The following REDIC1 variants were observed in gnomAD, a reference collection of about 807,000 sequenced individuals.
REDIC1 encodes the protein HEI10 Interacting Protein 1.
chr12:39,888,750 AG>A, the REDIC1 span, among the ~76,000 whole-genome samples: 1 of 152,186 alleles, frequency 6.6e-6, no homozygotes, highest in East Asian at 1.9e-4. Flanking sequence ...TTTTGAATAT[AG>A]TGTTTTCCTC....
At chr12:39,809,256 T>G in the REDIC1 span, among the ~76,000 whole-genome samples, 3 of 152,230 alleles carry the variant, frequency 2.0e-5, no homozygotes, top group African/African-American at 2.4e-5. Context: ...GACTTTATTC[T>G]GTTCCCTTGA....
chr12:39,721,037 A>G, the REDIC1 span: 3 of 1,613,818 alleles, frequency 1.9e-6, no homozygotes, highest in Admixed American at 1.7e-5. Flanking sequence ...AACAAAACCA[A>G]TGATAACTGC....
At chr12:39,720,218 C>T in the REDIC1 span, among the ~76,000 whole-genome samples, 3 of 151,670 alleles carry the variant, frequency 2.0e-5, no homozygotes, top group Non-Finnish European at 1.5e-5. Context: ...CTTAACTTTT[C>T]TTTGTCTATT....
the REDIC1 span, among the ~76,000 whole-genome samples, chr12:39,720,462 G>T: frequency 1.3e-5 from 2 of 152,030 alleles, no homozygotes; most frequent in Non-Finnish European, 2.9e-5. Flanking sequence ...TCTGTTGAAA[G>T]GGTAGAGAGA....
the REDIC1 span, chr12:39,684,214 C>T: frequency 2.0e-6 from 2 of 1,016,278 alleles, no homozygotes; most frequent in Non-Finnish European, 2.4e-6. Flanking sequence ...TGAGAACTGC[C>T]TTCCAGGCTT....
the REDIC1 span, among the ~76,000 whole-genome samples, chr12:39,647,551 G>T: frequency 6.6e-6 from 1 of 151,958 alleles, no homozygotes; most frequent in East Asian, 1.9e-4. Context: ...AATGGAGCTG[G>T]AGGATGGAGA....
At chr12:39,895,998 GTATA>G in the REDIC1 span, among the ~76,000 whole-genome samples, 593 of 132,940 alleles carry the variant, frequency 4.5e-3, 16 homozygotes, top group Non-Finnish European at 7.1e-3. Flanking sequence ...TCATATATGT[GTATA>G]TATACATGTG....
At chr12:39,834,548 G>C in the REDIC1 span, among the ~76,000 whole-genome samples, 5 of 151,966 alleles carry the variant, frequency 3.3e-5, no homozygotes, top group Admixed American at 1.3e-4. Context: ...TATTAAAAAA[G>C]CATGAAAAAC....
the REDIC1 span, among the ~76,000 whole-genome samples, chr12:39,894,802 A>C: frequency 3.3e-5 from 5 of 152,184 alleles, no homozygotes; most frequent in Non-Finnish European, 7.4e-5. Flanking sequence ...GGAATAAAGC[A>C]GGGAGATGCA....
chr12:39,639,062 C>T, the REDIC1 span, among the ~76,000 whole-genome samples: 1 of 151,912 alleles, frequency 6.6e-6, no homozygotes, highest in Non-Finnish European at 1.5e-5. Context: ...CTCTGTTATA[C>T]TTTTTATATT....
the REDIC1 span, among the ~76,000 whole-genome samples, chr12:39,691,248 G>C: frequency 6.6e-6 from 1 of 152,136 alleles, no homozygotes; most frequent in Non-Finnish European, 1.5e-5. Flanking sequence ...GGGAAATACA[G>C]TCTAGCTGTA....
At chr12:39,648,059 T>TGTAA in the REDIC1 span, 1 of 1,026,442 alleles carries the variant, frequency 9.7e-7, no homozygotes, top group Non-Finnish European at 1.3e-6. Context: ...AGATTTAAAA[T>TGTAA]ATTTACATTT....
chr12:39,867,606 A>C, the REDIC1 span, among the ~76,000 whole-genome samples: 1 of 152,230 alleles, frequency 6.6e-6, no homozygotes, highest in Non-Finnish European at 1.5e-5. Flanking sequence ...CAACCTAAAA[A>C]TTATGAGAAA....
At chr12:39,753,882 G>C in the REDIC1 span, among the ~76,000 whole-genome samples, 1 of 152,098 alleles carries the variant, frequency 6.6e-6, no homozygotes, top group African/African-American at 2.4e-5. Flanking sequence ...CAGTAATTTA[G>C]GTTACTAGGC....
chr12:39,799,222 TG>T, the REDIC1 span, among the ~76,000 whole-genome samples: 1 of 150,350 alleles, frequency 6.7e-6, no homozygotes, highest in South Asian at 2.1e-4. Flanking sequence ...CTCGAGTAGC[TG>T]GGACTACAGG....
the REDIC1 span, chr12:39,746,002 C>T: frequency 6.5e-6 from 1 of 152,762 alleles, no homozygotes; most frequent in African/African-American, 2.4e-5. Context: ...CAGCTCCCAG[C>T]ATGAGCGACG....
chr12:39,650,487 T>A, the REDIC1 span: 1 of 1,192,404 alleles, frequency 8.4e-7, no homozygotes, highest in Non-Finnish European at 1.1e-6. The surrounding 1 kb of genome is among the most constrained non-coding windows in gnomAD (Gnocchi z 4.3). Flanking sequence ...TAGAAAAAAA[T>A]TCAAAAAGTA....
chr12:39,896,438 A>G, the REDIC1 span, among the ~76,000 whole-genome samples: 1 of 143,958 alleles, frequency 6.9e-6, no homozygotes, highest in African/African-American at 2.6e-5. Flanking sequence ...ATATGTATAC[A>G]TATATGTATA....
At chr12:39,739,371 C>G in the REDIC1 span, among the ~76,000 whole-genome samples, 1 of 152,182 alleles carries the variant, frequency 6.6e-6, no homozygotes, top group African/African-American at 2.4e-5. Flanking sequence ...CATTCAGTCA[C>G]TTAGTCAGTA....
Sources: gnomAD v4.1 joint callset for allele counts (sites outside exome capture counted in the v4.1 genomes callset) on GRCh38, gnomAD v4.1.1 for gene constraint, Gnocchi (gnomAD v3.1) non-coding constraint, MANE v1.5 for transcripts, NCBI Gene and HGNC (gene_info 2026-07-23, HGNC 2026-07-21) for gene names.